SERINC3: variants seen among roughly 807,000 people sequenced by gnomAD.
The protein encoded by SERINC3 is serine incorporator 3.
In SERINC3, 22 loss-of-function variants were observed where a neutral mutation model predicts 52.1. The observed-to-expected ratio is 0.42, with a 90% CI of 0.30 to 0.60. The LOEUF (loss-of-function observed/expected upper bound fraction) is 0.60. Among genes scored for constraint, SERINC3 ranks in the 20% least tolerant of loss-of-function variants. The probability of loss-of-function intolerance (pLI) is 0.16; values close to 1 mark genes in which losing one functional copy is unlikely to be tolerated. For missense variants in SERINC3, 564 were observed against 584.6 expected (o/e 0.96, Z 0.36); for synonymous variants, 226 against 212.7 (o/e 1.06, Z -0.54).
intron 9 of SERINC3, 35 bp from the exon 10 acceptor site, chr20:44,500,469 T>C (rs2064272775): frequency 6.4e-7 from 1 of 1,551,620 alleles, no homozygotes; most frequent in East Asian, 2.4e-5. Context: ...TAGAAAAGCC[T>C]GGTCTACCTG....
intron 8 of SERINC3, among the ~76,000 whole-genome samples, chr20:44,502,476 A>G (rs950250826): frequency 2.0e-5 from 3 of 150,204 alleles, no homozygotes; most frequent in South Asian, 4.3e-4. Flanking sequence ...TCAGCTACTC[A>G]GGAGGCTGAG....
In SERINC3 at chr20:44,499,768, G is replaced by C. The variant is rs2064268042; in HGVS notation, c.*528C>G. Reference sequence around the variant, plus strand: ...GCCATATCAGCAACCATTCTTCTAGGGAAGGGACCCACATATACGATCCTT... The same window carrying C: ...GCCATATCAGCAACCATTCTTCTAGCGAAGGGACCCACATATACGATCCTT... On this transcript the variant is annotated 3_prime_UTR_variant, in exon 10 of 10. Transcript: ENST00000342374. 6.6e-6 allele frequency: 1 copy of C among 152,444 alleles called. No homozygotes were observed. Among genetic ancestry groups the C allele is most frequent in the East Asian group, 1.9e-4 (1 of 5,326 alleles). 9.4% of individuals were successfully genotyped at this position (152,444 alleles called of 1,614,324 possible). A position where few individuals can be genotyped will look rare whatever the true frequency, so the allele number is the denominator to read the frequency against.
chr20:44,502,365 T>C (rs1178027249), intron 8 of SERINC3, among the ~76,000 whole-genome samples: 1 of 152,052 alleles, frequency 6.6e-6, no homozygotes, highest in Non-Finnish European at 1.5e-5. Context: ...GGTGGGAGGA[T>C]CGCCAGAGGA....
At chr20:44,513,290 C>T (rs969402904) in intron 2 of SERINC3, among the ~76,000 whole-genome samples, 2 of 151,938 alleles carry the variant, frequency 1.3e-5, no homozygotes, top group Admixed American at 6.6e-5. Flanking sequence ...TCGAGACCAC[C>T]CTGGCCAGCA....
rs1191331026 is a variant in SERINC3 at position 44,506,584 on chromosome 20, C to CAAAA, written c.783+239_783+242dup. 7.0e-4 allele frequency among the ~76,000 whole-genome samples: 10 copies of CAAAA among 14,252 alleles called. 1 individual carries two copies. Among genetic ancestry groups the CAAAA allele is most frequent in the African/African-American group, 2.2e-3 (9 of 4,182 alleles). 9.3% of individuals were successfully genotyped at this position (14,252 alleles called of 152,430 possible). A position where few individuals can be genotyped will look rare whatever the true frequency, so the allele number is the denominator to read the frequency against. On this transcript the variant is annotated intron_variant, in intron 6 of 9. Transcript: ENST00000342374. ...TGGTTGACAGAGCGAGACTCCATCTCAAAAAAAAAAAAAAAAAAAAAAAAA... is the reference window on the plus strand; with the variant it reads ...TGGTTGACAGAGCGAGACTCCATCTCAAAAAAAAAAAAAAAAAAAAAAAAAAAAA...
chr20:44,517,539 G>A (rs111315210), intron 1 of SERINC3, among the ~76,000 whole-genome samples: 1,605 of 151,276 alleles, frequency 0.011, 15 homozygotes, highest in Middle Eastern at 0.028. Context: ...GCCATGTGAA[G>A]GCAGAGATCT....
At position 44,503,982 on chromosome 20, in the gene SERINC3, A is replaced by G. The variant is rs2123037455; in HGVS notation, c.888T>C (p.Asn296=). The part of the protein sequence containing the change: ...AMSNEPDRSC[N]PNLMSFITRI... ...GTGTAATAAAGCTCATCAGGTTGGG[A>G]TTGCAGGAACGATCTGAAAATGAGA... The change falls in exon 8 of 10, where the codon AAT becomes AAC. Residue 296 remains asparagine (N), a synonymous_variant. Coordinates refer to ENST00000342374, the MANE Select transcript of SERINC3 (RefSeq NM_006811.4). The G allele has an allele frequency of 6.3e-7, 1 of 1,578,214 alleles. No homozygotes were observed. The highest frequency in any genetic ancestry group is 8.6e-7 in the Non-Finnish European group (1 of 1,169,532).
At chr20:44,515,083 G>A (rs2064371837) in intron 1 of SERINC3, among the ~76,000 whole-genome samples, 1 of 152,212 alleles carries the variant, frequency 6.6e-6, no homozygotes, top group Non-Finnish European at 1.5e-5. Flanking sequence ...GCTGGGTGCG[G>A]CAGCTCACAC....
At chr20:44,512,492 A>G (rs2064354528) in intron 3 of SERINC3, among the ~76,000 whole-genome samples, 1 of 152,166 alleles carries the variant, frequency 6.6e-6, no homozygotes, top group Non-Finnish European at 1.5e-5. Context: ...GAAAGAAAAA[A>G]GTGTGTGTGT....
At chr20:44,508,344 A>G (rs1395205536) in intron 5 of SERINC3, among the ~76,000 whole-genome samples, 1 of 151,844 alleles carries the variant, frequency 6.6e-6, no homozygotes, top group Non-Finnish European at 1.5e-5. Context: ...GTGGTGGTGT[A>G]GGCGTGGTAG....
At chr20:44,497,304 T>A (rs1057390757), downstream of SERINC3, 1 of 152,222 alleles carries the variant, frequency 6.6e-6, no homozygotes, top group African/African-American at 2.4e-5. Context: ...ATAATTCACT[T>A]GAGTCTTGAT....
chr20:44,506,302 A>T (rs2064312480), intron 6 of SERINC3, among the ~76,000 whole-genome samples: 1 of 143,650 alleles, frequency 7.0e-6, no homozygotes, highest in African/African-American at 2.6e-5. Context: ...AAAAAAAAAG[A>T]CTCATTCCCG....
intron 1 of SERINC3, among the ~76,000 whole-genome samples, chr20:44,515,741 C>A (rs1392863119): frequency 1.3e-5 from 2 of 151,762 alleles, no homozygotes; most frequent in Non-Finnish European, 2.9e-5. Flanking sequence ...ACCTCCACCT[C>A]CTGAGTTCAA....
chr20:44,514,794 C>A (rs1251285189), intron 1 of SERINC3, among the ~76,000 whole-genome samples: 7 of 151,946 alleles, frequency 4.6e-5, no homozygotes, highest in African/African-American at 1.7e-4. Context: ...AATAAAGCAA[C>A]ACTACATGGA....
In SERINC3 at chr20:44,511,376, A is replaced by C; in HGVS notation, c.396-8T>G. 1 of 1,586,808 alleles carries C rather than the reference A, an allele frequency of 6.3e-7. No homozygotes were observed. The highest frequency in any genetic ancestry group is 1.1e-5 in the South Asian group (1 of 90,398). On this transcript the variant is annotated splice_polypyrimidine_tract_variant and splice_region_variant and intron_variant, in intron 3 of 9. Transcript: ENST00000342374. ...ATTTTGAAGAACCAAAACCTATTAA[A>C]ATATAAAAATGCATTTATGAAATGC...
intron 3 of SERINC3, among the ~76,000 whole-genome samples, chr20:44,511,764 C>T (rs1447213984): frequency 6.6e-6 from 1 of 152,170 alleles, no homozygotes; most frequent in African/African-American, 2.4e-5. Flanking sequence ...GGCACAGATA[C>T]CTTGCCCACA....
intron 1 of SERINC3, among the ~76,000 whole-genome samples, chr20:44,516,438 G>T (rs1007698132): frequency 5.3e-5 from 8 of 151,660 alleles, no homozygotes; most frequent in African/African-American, 1.9e-4. Context: ...TGTCTCCCAG[G>T]CTGGAGTGCA....
In SERINC3 at chr20:44,511,394, T is replaced by C. The variant is rs370787721; in HGVS notation, c.396-26A>G. ...CTATTAAAATATAAAAATGCATTTA[T>C]GAAATGCTAAGTTTCACCCTTATAC... On this transcript the variant is annotated intron_variant, in intron 3 of 9. Transcript: ENST00000342374. 46 of 1,466,706 alleles carry C rather than the reference T, an allele frequency of 3.1e-5. No individual in the cohort carries two copies. The African/African-American group carries it at 5.6e-4, about 18-fold the overall frequency. The allele number at this position is 1,466,706 out of a possible 1,614,324, so 90.9% of individuals were successfully genotyped here.
chr20:44,513,911 G>C lies in SERINC3; in HGVS notation c.169C>G (p.Gln57Glu), dbSNP rs752571146. ...LLSTVVSYIM[Q>E]RKEMETYLKK... ...AAGTAAGTTTCCATCTCTTTTCTCTGCATGATATAGGATACGACAGTGCTC... is the reference window on the plus strand; with the variant it reads ...AAGTAAGTTTCCATCTCTTTTCTCTCCATGATATAGGATACGACAGTGCTC... The change falls in exon 2 of 10, where the codon CAG becomes GAG. Residue 57 changes from glutamine (Q) to glutamate (E), a missense_variant. Coordinates refer to ENST00000342374, the MANE Select transcript of SERINC3 (RefSeq NM_006811.4). The C allele has an allele frequency of 4.3e-6, 7 of 1,612,020 alleles. No homozygotes were observed. The Admixed American group carries it at 1.2e-4, about 27-fold the overall frequency.
Sources: allele counts gnomAD v4.1 joint callset (sites outside exome capture counted in the v4.1 genomes callset), GRCh38; gene constraint gnomAD v4.1.1; transcripts MANE v1.5; gene names NCBI Gene and HGNC (gene_info 2026-07-23, HGNC 2026-07-21).